IL34: variants seen among roughly 807,000 people sequenced by gnomAD.
The protein encoded by IL34 is interleukin-34.
A neutral mutation model predicts 25.3 loss-of-function variants in IL34; 17 were observed. The observed-to-expected ratio is 0.67, with a 90% CI of 0.46 to 1.01. The LOEUF (loss-of-function observed/expected upper bound fraction) is 1.01. Ranked by LOEUF, IL34 falls within the 50% of genes least tolerant of loss-of-function variation. The pLI is 0.00. For synonymous variants in IL34, 174 were observed against 140.9 expected (o/e 1.23, Z -1.66); for missense variants, 368 against 312.9 (o/e 1.18, Z -1.33).
intron 4 of IL34, among the ~76,000 whole-genome samples, chr16:70,657,604 G>A (rs34978693): frequency 6.6e-6 from 1 of 152,054 alleles, no homozygotes; most frequent in Non-Finnish European, 1.5e-5. Context: ...GTGAAACCCC[G>A]TCTCTACTAA....
rs201194051 is a variant in IL34, at chr16:70,600,926, C to G, written c.-401+20877C>G. On this transcript the variant is annotated intron_variant, in intron 1 of 6. Transcript: ENST00000429149. ...GCTGGGAGAAATGAGAAGATGCTGG[C>G]AGAAGCAGGGCTGCTGGGAGGAGTA... 3.9e-3 allele frequency among the ~76,000 whole-genome samples: 469 copies of G among 121,052 alleles called. 2 individuals carry two copies. Among genetic ancestry groups the G allele is most frequent in the African/African-American group, 0.02 (439 of 21,746 alleles). The allele number at this position is 121,052 out of a possible 152,430, so 79.4% of individuals were successfully genotyped here.
intron 1 of IL34, among the ~76,000 whole-genome samples, chr16:70,599,045 G>A (rs2050866327): frequency 6.6e-6 from 1 of 152,148 alleles, no homozygotes; most frequent in Non-Finnish European, 1.5e-5. Context: ...TCAGCAAAAG[G>A]CAAGGCTAGG....
chr16:70,645,568 C>T (rs12919451), upstream of IL34, among the ~76,000 whole-genome samples: 48,631 of 152,006 alleles, frequency 0.32, 7,936 homozygotes, highest in South Asian at 0.45. Context: ...CACGCACACA[C>T]GCTGAGCCCT....
At chr16:70,659,974 T>TA (rs1242051904) in intron 5 of IL34, 23 bp from the exon 6 acceptor site, 1 of 1,552,726 alleles carries the variant, frequency 6.4e-7, no homozygotes, top group African/African-American at 1.4e-5. Flanking sequence ...GCAGTCTTTT[T>TA]TTTTTTCCCC....
chr16:70,645,749 G>A (rs12923636), upstream of IL34, among the ~76,000 whole-genome samples: 54,249 of 151,848 alleles, frequency 0.36, 9,886 homozygotes, highest in South Asian at 0.47. Flanking sequence ...GAGAGATTCA[G>A]TGAATGTAAA....
chr16:70,629,735 A>G (rs900318794), intron 1 of IL34, among the ~76,000 whole-genome samples: 2 of 152,118 alleles, frequency 1.3e-5, no homozygotes, highest in African/African-American at 2.4e-5. Context: ...GTTTGTGCGT[A>G]CATAGTAGAT....
chr16:70,616,109 A>G (rs2051168842), intron 1 of IL34, among the ~76,000 whole-genome samples: 1 of 152,240 alleles, frequency 6.6e-6, no homozygotes, highest in South Asian at 2.1e-4. Context: ...TGTGTGGTGA[A>G]CATGCAGGTT....
At chr16:70,641,229 C>T (rs538653304) in intron 1 of IL34, among the ~76,000 whole-genome samples, 1 of 152,118 alleles carries the variant, frequency 6.6e-6, no homozygotes, top group South Asian at 2.1e-4. Context: ...GCTGAGATCA[C>T]ACCACTGCAC....
At chr16:70,612,727 CTCAGCTTCCCCAAGA>C (rs150463543) in intron 1 of IL34, among the ~76,000 whole-genome samples, 15,419 of 152,114 alleles carry the variant, frequency 0.1, 2,636 homozygotes, top group African/African-American at 0.35. Context: ...GGAGGGATTC[CTCAGCTTCCCCAAGA>C]TCAGCTTCCC....
At chr16:70,593,794 T>A (rs1390469288) in intron 1 of IL34, among the ~76,000 whole-genome samples, 1 of 152,168 alleles carries the variant, frequency 6.6e-6, no homozygotes, top group Non-Finnish European at 1.5e-5. Flanking sequence ...CTTGGAGCAC[T>A]AGGATCAGAG....
At chr16:70,635,600 C>G (rs1438889083) in intron 1 of IL34, among the ~76,000 whole-genome samples, 1 of 152,164 alleles carries the variant, frequency 6.6e-6, no homozygotes, top group African/African-American at 2.4e-5. Context: ...GGAGCTGTTT[C>G]CAGTGTTCAA....
chr16:70,621,212 C>T (rs990947599), intron 1 of IL34, among the ~76,000 whole-genome samples: 8 of 152,142 alleles, frequency 5.3e-5, no homozygotes, highest in African/African-American at 1.9e-4. Flanking sequence ...CCTGCATGGT[C>T]TGACACCCTT....
rs1382580789 is a variant in IL34 at position 70,660,468 on chromosome 16, CG to C, written c.*282del. ...CCTGGTGCTGCCCTCACTGTCCCCC[CG>C]CCTAAAGGGGGTACTGAGCCTCCTG... On this transcript the variant is annotated 3_prime_UTR_variant, in exon 6 of 6. Transcript: ENST00000288098. The C allele has an allele frequency of 5.6e-6, 2 of 356,494 alleles. No homozygotes were observed. The highest frequency in any genetic ancestry group is 1.0e-5 in the Non-Finnish European group (2 of 198,434). The allele number at this position is 356,494 out of a possible 1,614,324, so 22.1% of individuals were successfully genotyped here. A position where few individuals can be genotyped will look rare whatever the true frequency, so the allele number is the denominator to read the frequency against.
At chr16:70,610,546 G>C (rs1567443539) in intron 1 of IL34, among the ~76,000 whole-genome samples, 2 of 152,220 alleles carry the variant, frequency 1.3e-5, no homozygotes, top group African/African-American at 4.8e-5. Flanking sequence ...AGACCCTGTG[G>C]TCATTCCTGT....
intron 1 of IL34, among the ~76,000 whole-genome samples, chr16:70,598,907 G>T (rs1031247605): frequency 6.6e-6 from 1 of 152,164 alleles, no homozygotes; most frequent in East Asian, 1.9e-4. Flanking sequence ...GGTTCAGAAG[G>T]TGCAAAATCA....
intron 1 of IL34, among the ~76,000 whole-genome samples, chr16:70,580,807 T>G (rs2050628704): frequency 6.6e-6 from 1 of 152,062 alleles, no homozygotes; most frequent in African/African-American, 2.4e-5. Context: ...TTAATTGATT[T>G]TAAGTTCTTT....
intron 1 of IL34, among the ~76,000 whole-genome samples, chr16:70,593,080 G>C (rs2050775821): frequency 6.6e-6 from 1 of 152,150 alleles, no homozygotes; most frequent in Admixed American, 6.5e-5. Context: ...TCCTGTGTCA[G>C]CCCCCTAAAG....
At chr16:70,623,223 A>G (rs2051317878) in intron 1 of IL34, among the ~76,000 whole-genome samples, 1 of 152,094 alleles carries the variant, frequency 6.6e-6, no homozygotes, top group African/African-American at 2.4e-5. Context: ...TCCAAGTGAA[A>G]GCGAAGAGAG....
intron 1 of IL34, among the ~76,000 whole-genome samples, chr16:70,652,728 C>G (rs1364769784): frequency 6.6e-6 from 1 of 152,022 alleles, no homozygotes; most frequent in East Asian, 1.9e-4. Context: ...TGCTTTTCTT[C>G]CAATTTATTC....
Sources: allele counts gnomAD v4.1 joint callset (sites outside exome capture counted in the v4.1 genomes callset), GRCh38; gene constraint gnomAD v4.1.1; transcripts MANE v1.5; gene names NCBI Gene and HGNC (gene_info 2026-07-23, HGNC 2026-07-21).